The following KCNJ3 variants were observed in gnomAD, a reference collection of about 807,000 sequenced individuals.
KCNJ3 encodes the protein potassium inwardly rectifying channel subfamily J member 3.
KCNJ3 carries 4 observed loss-of-function variants against 39.2 expected under a neutral mutation model. That is an observed-to-expected ratio of 0.10 (90% confidence interval 0.05 to 0.23). KCNJ3 has a LOEUF of 0.23. Ranked by LOEUF, KCNJ3 falls within the 10% of genes least tolerant of loss-of-function variation. The pLI, the probability that KCNJ3 is intolerant of heterozygous loss-of-function variation, is 1.00. For missense variants in KCNJ3, 276 were observed against 634.9 expected, an observed-to-expected ratio of 0.43 and a Z score of 6.08; for synonymous variants, 230 against 237.4, an observed-to-expected ratio of 0.97 and a Z score of 0.29.
At chr2:154,745,023 G>A (rs898814004) in intron 2 of KCNJ3, among the ~76,000 whole-genome samples, 1 of 151,714 alleles carries the variant, frequency 6.6e-6, no homozygotes, top group African/African-American at 2.4e-5. Context: ...GTTTCTGTTT[G>A]GAAATTTTTC....
At chr2:154,743,810 T>C (rs1685692174) in intron 2 of KCNJ3, among the ~76,000 whole-genome samples, 1 of 151,624 alleles carries the variant, frequency 6.6e-6, no homozygotes, top group Non-Finnish European at 1.5e-5. Flanking sequence ...CATGAACACA[T>C]TTTCTGTTTT....
At chr2:154,827,381 A>G (rs1687287522) in intron 2 of KCNJ3, among the ~76,000 whole-genome samples, 1 of 152,162 alleles carries the variant, frequency 6.6e-6, no homozygotes, top group Middle Eastern at 3.2e-3. Flanking sequence ...TATGTTGATA[A>G]AATCTATTAT....
chr2:154,775,249 AAAG>A (rs1323507690), intron 2 of KCNJ3, among the ~76,000 whole-genome samples: 2 of 152,158 alleles, frequency 1.3e-5, no homozygotes, highest in African/African-American at 2.4e-5. Flanking sequence ...TTGTAAGACA[AAAG>A]AATTGCCTTC....
intron 2 of KCNJ3, among the ~76,000 whole-genome samples, chr2:154,798,757 A>G (rs1263408432): frequency 6.6e-6 from 1 of 152,206 alleles, no homozygotes; most frequent in Non-Finnish European, 1.5e-5. Context: ...ATGTTGTTGC[A>G]TATTGCAAAA....
Position 154,713,552 on chromosome 2 carries a change from C to T in KCNJ3, c.919+3733C>T, listed in dbSNP as rs562975087. 3.9e-5 allele frequency among the ~76,000 whole-genome samples: 6 copies of T among 152,282 alleles called. No individual in the cohort carries two copies. The South Asian group carries it at 1.2e-3, about 32-fold the overall frequency. On this transcript the variant is annotated intron_variant, in intron 2 of 2. Coordinates refer to ENST00000295101, the MANE Select transcript of KCNJ3 (RefSeq NM_002239.4). ...GAGAGTTTCAGCTTTCAGCCCAGGA[C>T]TCAAATGTTATTTTCCCCACTTTTT... is the stretch of plus-strand genomic sequence containing the variant.
intron 2 of KCNJ3, among the ~76,000 whole-genome samples, chr2:154,796,764 T>G (rs1463801254): frequency 6.6e-6 from 1 of 152,166 alleles, no homozygotes; most frequent in Non-Finnish European, 1.5e-5. Flanking sequence ...TTATTGCAAT[T>G]TATTAATTTA....
chr2:154,785,042 T>A (rs546849080), intron 2 of KCNJ3, among the ~76,000 whole-genome samples: 1 of 152,322 alleles, frequency 6.6e-6, no homozygotes, highest in Admixed American at 6.5e-5. Flanking sequence ...ATGGTCTAAA[T>A]GTGCCAAATA....
chr2:154,751,021 A>G (rs1292147177), intron 2 of KCNJ3, among the ~76,000 whole-genome samples: 3 of 151,990 alleles, frequency 2.0e-5, no homozygotes, highest in African/African-American at 7.2e-5. Context: ...AGGGTGAGGG[A>G]TAAAAGACTA....
rs527317685 is a variant in KCNJ3, at chr2:154,728,592, A to G, written c.919+18773A>G. 8.5e-5 allele frequency among the ~76,000 whole-genome samples: 13 copies of G among 152,336 alleles called. No homozygotes were observed. The South Asian group carries it at 2.7e-3, about 32-fold the overall frequency. ...TTTAGTGAAAAAATTCAATATCCAC[A>G]ATATCCACAGTCTGAATTTCCTATA... is the stretch of plus-strand genomic sequence containing the variant. On this transcript the variant is annotated intron_variant, in intron 2 of 2. Coordinates refer to ENST00000295101, the MANE Select transcript of KCNJ3 (RefSeq NM_002239.4).
At chr2:154,766,468 G>T (rs188356287) in intron 2 of KCNJ3, among the ~76,000 whole-genome samples, 35 of 151,878 alleles carry the variant, frequency 2.3e-4, no homozygotes, top group African/African-American at 7.7e-4. Flanking sequence ...GATTTTAGAG[G>T]CTTTTCCAGG....
chr2:154,754,430 C>T (rs2017678), intron 2 of KCNJ3, among the ~76,000 whole-genome samples: 25 of 151,994 alleles, frequency 1.6e-4, no homozygotes, highest in African/African-American at 5.6e-4. Context: ...TGTGCCACCA[C>T]GCCCAGCTAA....
chr2:154,747,068 C>T (rs1331281151), intron 2 of KCNJ3, among the ~76,000 whole-genome samples: 1 of 151,844 alleles, frequency 6.6e-6, no homozygotes, highest in Non-Finnish European at 1.5e-5. Flanking sequence ...ACTTACAGTA[C>T]ATTTTAGTTG....
At chr2:154,735,236 G>A (rs1004031873) in intron 2 of KCNJ3, among the ~76,000 whole-genome samples, 1 of 150,874 alleles carries the variant, frequency 6.6e-6, no homozygotes, top group Non-Finnish European at 1.5e-5. Flanking sequence ...ACAGGGGCCC[G>A]CCACCATGCC....
intron 2 of KCNJ3, among the ~76,000 whole-genome samples, chr2:154,783,322 A>G (rs1686472927): frequency 6.6e-6 from 1 of 152,222 alleles, no homozygotes; most frequent in Non-Finnish European, 1.5e-5. Flanking sequence ...TGCATAACTC[A>G]GGTTTTTAAA....
At chr2:154,764,769 C>G (rs1686103529) in intron 2 of KCNJ3, among the ~76,000 whole-genome samples, 1 of 151,602 alleles carries the variant, frequency 6.6e-6, no homozygotes, top group Non-Finnish European at 1.5e-5. Context: ...TGTGTTGGAC[C>G]TCATTCAAAG....
chr2:154,734,496 A>G (rs1003540440), intron 2 of KCNJ3, among the ~76,000 whole-genome samples: 1 of 152,172 alleles, frequency 6.6e-6, no homozygotes, highest in Non-Finnish European at 1.5e-5. Context: ...AGCCACCTCA[A>G]AACAAAACAA....
chr2:154,756,941 A>C (rs938033705), intron 2 of KCNJ3, among the ~76,000 whole-genome samples: 1 of 152,092 alleles, frequency 6.6e-6, no homozygotes, highest in Non-Finnish European at 1.5e-5. Context: ...CACTCTTGGA[A>C]ACTATATAAT....
At chr2:154,797,009 C>G (rs763874687) in intron 2 of KCNJ3, among the ~76,000 whole-genome samples, 1 of 152,098 alleles carries the variant, frequency 6.6e-6, no homozygotes, top group Non-Finnish European at 1.5e-5. Flanking sequence ...CAATGTCTAG[C>G]GAAATGCTCA....
chr2:154,814,959 A>G (rs770076905), intron 2 of KCNJ3, among the ~76,000 whole-genome samples: 1 of 152,208 alleles, frequency 6.6e-6, no homozygotes, highest in Non-Finnish European at 1.5e-5. Flanking sequence ...CCAGAAAGCA[A>G]TTCTGGAAAA....
Sources: gnomAD v4.1 joint callset for allele counts (sites outside exome capture counted in the v4.1 genomes callset) on GRCh38, gnomAD v4.1.1 for gene constraint, MANE v1.5 for transcripts, NCBI Gene and HGNC (gene_info 2026-07-23, HGNC 2026-07-21) for gene names.